The following CUX1 variants were observed in gnomAD, a reference collection of about 807,000 sequenced individuals.
CUX1 encodes cut like homeobox 1, also known as protein CASP.
A neutral mutation model predicts 158.8 loss-of-function variants in CUX1; 31 were observed. That is an observed-to-expected ratio of 0.20 (90% CI 0.15 to 0.26). The LOEUF (loss-of-function observed/expected upper bound fraction) is 0.26. Ranked by LOEUF, CUX1 falls within the 10% of genes least tolerant of loss-of-function variation. The pLI, the probability that CUX1 is intolerant of heterozygous loss-of-function variation, is 1.00. For missense variants in CUX1, 1,589 were observed against 2,014.6 expected, an observed-to-expected ratio of 0.79 and a Z score of 4.04; for synonymous variants, 879 against 862.1, an observed-to-expected ratio of 1.02 and a Z score of -0.34.
At chr7:102,187,589 G>A (rs559502815) in intron 11 of CUX1, among the ~76,000 whole-genome samples, 1 of 152,052 alleles carries the variant, frequency 6.6e-6, no homozygotes, top group Non-Finnish European at 1.5e-5. Context: ...CCCTCTGTCT[G>A]CCTTATTCCC....
At chr7:102,241,110 G>A (rs1046600319) in intron 23 of CUX1, among the ~76,000 whole-genome samples, 3 of 152,096 alleles carry the variant, frequency 2.0e-5, no homozygotes, top group Admixed American at 6.5e-5. Flanking sequence ...ATGAGCCACC[G>A]CACCCAGCCA....
intron 1 of CUX1, among the ~76,000 whole-genome samples, chr7:101,903,491 C>T (rs1278385745): frequency 6.6e-6 from 1 of 152,148 alleles, no homozygotes. Flanking sequence ...AGATAACAGC[C>T]ACAACAGAGC....
At chr7:102,222,246 C>A (rs1797876761) in intron 20 of CUX1, among the ~76,000 whole-genome samples, 2 of 152,054 alleles carry the variant, frequency 1.3e-5, no homozygotes, top group South Asian at 4.2e-4. Context: ...CCACTGCATT[C>A]CAGCTGGAGC....
intron 1 of CUX1, among the ~76,000 whole-genome samples, chr7:101,856,548 A>G (rs974915610): frequency 6.6e-6 from 1 of 152,174 alleles, no homozygotes; most frequent in Admixed American, 6.5e-5. Flanking sequence ...TGCGTTCCCC[A>G]GCCAGGACAG....
At chr7:102,112,553 C>CT (rs1227436020) in intron 7 of CUX1, among the ~76,000 whole-genome samples, 4 of 143,198 alleles carry the variant, frequency 2.8e-5, no homozygotes, top group Non-Finnish European at 6.1e-5. Context: ...CTCTCTATTT[C>CT]TTTTTTTGTT....
chr7:101,834,670 C>CT (rs1165022128), intron 1 of CUX1, among the ~76,000 whole-genome samples: 1 of 151,960 alleles, frequency 6.6e-6, no homozygotes, highest in African/African-American at 2.4e-5. Flanking sequence ...CGTCCCGTAA[C>CT]TTTTTTTTAA....
At chr7:102,220,309 C>T (rs1302485706) in intron 20 of CUX1, among the ~76,000 whole-genome samples, 2 of 152,162 alleles carry the variant, frequency 1.3e-5, no homozygotes, top group African/African-American at 2.4e-5. Context: ...TGCAGTTAGC[C>T]GAGATTGCAC....
intron 4 of CUX1, among the ~76,000 whole-genome samples, chr7:102,094,887 T>C (rs1481672377): frequency 6.6e-6 from 1 of 152,136 alleles, no homozygotes; most frequent in Non-Finnish European, 1.5e-5. Flanking sequence ...GGTGAAGGTA[T>C]CCAGAGAAGT....
At chr7:102,010,396 CAAAAAAAA>C (rs35965710) in intron 2 of CUX1, among the ~76,000 whole-genome samples, 1 of 90,258 alleles carries the variant, frequency 1.1e-5, no homozygotes, top group Non-Finnish European at 2.2e-5. Context: ...GACTCTGTCT[CAAAAAAAA>C]AAAAAAAAAA....
At chr7:102,153,780 A>C (rs1554504304) in intron 8 of CUX1, 1 of 152,348 alleles carries the variant, frequency 6.6e-6, no homozygotes, top group African/African-American at 2.4e-5. Context: ...AAGCAAAAAC[A>C]GCTGGGCCCC....
chr7:102,112,344 C>A lies in CUX1; in HGVS notation c.607+570C>A, dbSNP rs574681337. 1.0e-4 allele frequency among the ~76,000 whole-genome samples: 15 copies of A among 149,624 alleles called. No homozygotes were observed. The South Asian group carries it at 3.2e-3, about 32-fold the overall frequency. On this transcript the variant is annotated intron_variant, in intron 7 of 23. Transcript: ENST00000292535. ...GCAAGCTCCGCCTCCTGGGTTAATG[C>A]CATTCTCCTGCCTCAGCCTCCCGAG...
At chr7:101,849,881 G>T (rs1056503418) in intron 1 of CUX1, among the ~76,000 whole-genome samples, 1 of 149,950 alleles carries the variant, frequency 6.7e-6, no homozygotes. Flanking sequence ...TATTCTGACC[G>T]GTATGAGACA....
At chr7:102,233,989 C>T in intron 21 of CUX1, 63 bp from the exon 22 acceptor site, 1 of 1,318,838 alleles carries the variant, frequency 7.6e-7, no homozygotes, top group African/African-American at 1.5e-5. Context: ...TTGACACGTA[C>T]TTGTCCCTTC....
intron 1 of CUX1, among the ~76,000 whole-genome samples, chr7:101,862,273 C>T (rs772625350): frequency 1.3e-4 from 19 of 151,938 alleles, no homozygotes; most frequent in South Asian, 8.3e-4. Context: ...CTGTTGGTCT[C>T]GGGGGTGTGT....
chr7:101,988,550 G>A (rs1410670557), intron 2 of CUX1, among the ~76,000 whole-genome samples: 1 of 152,064 alleles, frequency 6.6e-6, no homozygotes, highest in Non-Finnish European at 1.5e-5. Flanking sequence ...CGATTCCACA[G>A]CCCTGGGCTG....
At chr7:102,279,957 CTG>C (rs1791931157) in intron 18 of CUX1, 1 of 903,484 alleles carries the variant, frequency 1.1e-6, no homozygotes, top group African/African-American at 1.7e-5. Flanking sequence ...GATGAGGAAA[CTG>C]AGGCTCCCCT....
intron 20 of CUX1, among the ~76,000 whole-genome samples, chr7:102,210,767 A>G (rs1312660665): frequency 6.6e-6 from 1 of 152,132 alleles, no homozygotes; most frequent in Non-Finnish European, 1.5e-5. Context: ...GACAGCTGCT[A>G]TGGTCTGTCT....
At chr7:101,822,895 ACT>A (rs1210767713) in intron 1 of CUX1, among the ~76,000 whole-genome samples, 3 of 148,482 alleles carry the variant, frequency 2.0e-5, no homozygotes, top group Non-Finnish European at 4.5e-5. Context: ...ACAGAGCGAG[ACT>A]CTGTCTCAGA....
At chr7:101,828,657 C>T (rs1793656212) in intron 1 of CUX1, among the ~76,000 whole-genome samples, 1 of 152,112 alleles carries the variant, frequency 6.6e-6, no homozygotes, top group African/African-American at 2.4e-5. Flanking sequence ...CAAAGGCACG[C>T]CCCGCTCCAG....
Sources: allele counts gnomAD v4.1 joint callset (sites outside exome capture counted in the v4.1 genomes callset), GRCh38; gene constraint gnomAD v4.1.1; transcripts MANE v1.5; gene names NCBI Gene and HGNC (gene_info 2026-07-23, HGNC 2026-07-21).